The following CD226 variants were observed in gnomAD, a reference collection of about 807,000 sequenced individuals.
The protein encoded by CD226 is CD226 molecule.
A neutral mutation model predicts 34.9 loss-of-function variants in CD226; 24 were observed. That is an observed-to-expected ratio of 0.69 (90% CI 0.50 to 0.97). CD226 has a LOEUF of 0.97. Ranked by LOEUF, CD226 falls within the 50% of genes least tolerant of loss-of-function variation. The pLI is 0.00. For missense variants in CD226, 397 were observed against 412.7 expected (o/e 0.96, Z 0.33); for synonymous variants, 148 against 147.4 (o/e 1.00, Z -0.03).
chr18:69,947,057 T>G lies in CD226; in HGVS notation c.59A>C (p.Glu20Ala). 1.2e-6 allele frequency: 2 copies of G among 1,613,220 alleles called. No individual in the cohort carries two copies. The highest frequency in any genetic ancestry group is 2.2e-5 in the South Asian group (2 of 91,042). ...GGGAACTGATGTATGCCAAAGCACC[T>G]CTTCACATAGAGCTGAAATATACAA... ...LLHVYRALCE[E>A]VLWHTSVPFA... The change falls in exon 2 of 6, where the codon GAG (glutamate) becomes GCG (alanine). Residue 20 changes from glutamate (E) to alanine (A), a missense_variant. Coordinates refer to ENST00000582621, the MANE Select transcript of CD226 (RefSeq NM_001303618.2).
chr18:69,887,914 TATAA>T (rs1390612278), intron 3 of CD226, among the ~76,000 whole-genome samples: 2 of 152,264 alleles, frequency 1.3e-5, no homozygotes, highest in African/African-American at 4.8e-5. Flanking sequence ...ATCATTTTAG[TATAA>T]ATAATAGCTT....
At chr18:69,904,167 G>A (rs551585049) in intron 2 of CD226, among the ~76,000 whole-genome samples, 11 of 152,082 alleles carry the variant, frequency 7.2e-5, no homozygotes, top group African/African-American at 1.4e-4. Context: ...AACACAACCC[G>A]ACAAAGCCAT....
chr18:69,945,548 G>A (rs1568207592), intron 2 of CD226, among the ~76,000 whole-genome samples: 1 of 152,162 alleles, frequency 6.6e-6, no homozygotes, highest in Non-Finnish European at 1.5e-5. Context: ...AGCTAAACCT[G>A]GATGAGGTGA....
intron 3 of CD226, among the ~76,000 whole-genome samples, chr18:69,883,789 G>C (rs1423192988): frequency 6.6e-6 from 1 of 152,180 alleles, no homozygotes; most frequent in Non-Finnish European, 1.5e-5. Flanking sequence ...ATCTTAAAAT[G>C]AGCCATCAGT....
At chr18:69,911,490 T>C (rs536989016) in intron 2 of CD226, among the ~76,000 whole-genome samples, 7 of 152,184 alleles carry the variant, frequency 4.6e-5, no homozygotes, top group Non-Finnish European at 8.8e-5. Flanking sequence ...AAACCACATA[T>C]GAAGAGCGAC....
At chr18:69,881,886 T>TG (rs1984286614) in intron 3 of CD226, among the ~76,000 whole-genome samples, 2 of 152,236 alleles carry the variant, frequency 1.3e-5, no homozygotes, top group South Asian at 2.1e-4. Flanking sequence ...GATATTGGTA[T>TG]GGTAATATTA....
At chr18:69,902,889 C>A (rs747461809) in intron 2 of CD226, among the ~76,000 whole-genome samples, 1 of 152,026 alleles carries the variant, frequency 6.6e-6, no homozygotes, top group Non-Finnish European at 1.5e-5. Flanking sequence ...CCCAACTGTG[C>A]CTAGACTATG....
At position 69,866,721 on chromosome 18, in the gene CD226, C is replaced by T. The variant is rs149806902; in HGVS notation, c.885+636G>A. On this transcript the variant is annotated intron_variant, in intron 5 of 5. Transcript: ENST00000582621. ...TCCTCAGAACCTCATAATGTGACCT[C>T]ATTTGAAAATAGGATCCTTGTAATT... 5.0e-4 allele frequency among the ~76,000 whole-genome samples: 76 copies of T among 152,248 alleles called. 1 individual carries two copies. Among genetic ancestry groups the T allele is most frequent in the African/African-American group, 1.5e-3 (64 of 41,556 alleles).
At chr18:69,867,530 A>T in intron 4 of CD226, 119 bp from the exon 5 acceptor site, 1 of 632,846 alleles carries the variant, frequency 1.6e-6, no homozygotes, top group Non-Finnish European at 2.8e-6. Context: ...ATGTTGAAGT[A>T]GCTTTATGCA....
intron 2 of CD226, among the ~76,000 whole-genome samples, chr18:69,931,395 TA>T (rs576916736): frequency 6.7e-6 from 1 of 148,660 alleles, no homozygotes; most frequent in Non-Finnish European, 1.5e-5. Flanking sequence ...TAATAAAATT[TA>T]AAAAAAAGAA....
intron 5 of CD226, among the ~76,000 whole-genome samples, chr18:69,866,798 G>A (rs1322998596): frequency 1.3e-5 from 2 of 152,096 alleles, no homozygotes; most frequent in Non-Finnish European, 2.9e-5. Context: ...TTAAGTCCAA[G>A]ATAACTGGGG....
intron 2 of CD226, among the ~76,000 whole-genome samples, chr18:69,916,504 C>T (rs371499353): frequency 5.9e-5 from 9 of 152,158 alleles, no homozygotes; most frequent in African/African-American, 1.9e-4. Flanking sequence ...AGCCATGACT[C>T]AAAACATTTA....
intron 2 of CD226, among the ~76,000 whole-genome samples, chr18:69,920,131 T>C (rs1325260125): frequency 1.3e-4 from 20 of 152,196 alleles, no homozygotes; most frequent in Admixed American, 1.2e-3. Flanking sequence ...CCCAAAGTGC[T>C]GGGATTACAG....
chr18:69,886,485 C>A (rs1984564690), intron 3 of CD226, among the ~76,000 whole-genome samples: 2 of 152,176 alleles, frequency 1.3e-5, no homozygotes, highest in South Asian at 2.1e-4. Flanking sequence ...GTGGGTGGAT[C>A]ACCTGAGGTC....
chr18:69,897,092 C>T (rs953073150), intron 2 of CD226, among the ~76,000 whole-genome samples: 13 of 152,128 alleles, frequency 8.5e-5, no homozygotes, highest in African/African-American at 2.7e-4. Context: ...AGAGGAAATT[C>T]CCCCTCTTCA....
upstream of CD226, among the ~76,000 whole-genome samples, chr18:69,951,907 G>A (rs1236245422): frequency 2.0e-5 from 3 of 152,098 alleles, no homozygotes; most frequent in South Asian, 2.1e-4. Context: ...CATTAGATCC[G>A]GCAGTCTCAC....
intron 4 of CD226, among the ~76,000 whole-genome samples, chr18:69,870,273 T>C (rs78561522): frequency 0.1 from 6,811 of 65,558 alleles, 126 homozygotes; most frequent in African/African-American, 0.12. Flanking sequence ...TGGCTCCCCC[T>C]TTTTTTTTTT....
Position 69,947,488 on chromosome 18 carries a change from T to C in CD226, c.-82A>G, listed in dbSNP as rs745387339. On this transcript the variant is annotated 5_prime_UTR_variant, in exon 1 of 6. Transcript: ENST00000582621. ...TGTGACATGCAGATCCCCAGCACAATGCAGTTTCCTTCCTCTCAGATGTTA... is the reference window on the plus strand; with the variant it reads ...TGTGACATGCAGATCCCCAGCACAACGCAGTTTCCTTCCTCTCAGATGTTA... The C allele has an allele frequency of 9.3e-5, 76 of 813,518 alleles. No homozygotes were observed. Among genetic ancestry groups the C allele is most frequent in the Non-Finnish European group, 1.3e-4 (67 of 501,780 alleles). 50.4% of individuals were successfully genotyped at this position (813,518 alleles called of 1,614,324 possible).
At position 69,856,147 on chromosome 18, in the gene CD226, G is replaced by T. The variant is rs1982603853; in HGVS notation, c.*8167C>A. ...GCTAATGTTAATTTTTTAAAAAACTGAAAGTTATGTTAATATCAGAAAAAG... is the reference window on the plus strand; with the variant it reads ...GCTAATGTTAATTTTTTAAAAAACTTAAAGTTATGTTAATATCAGAAAAAG... On this transcript the variant is annotated 3_prime_UTR_variant, in exon 6 of 6. Transcript: ENST00000582621. The T allele has an allele frequency of 6.6e-6, 1 of 152,046 alleles. No individual in the cohort carries two copies. Among genetic ancestry groups the T allele is most frequent in the South Asian group, 2.1e-4 (1 of 4,820 alleles). 9.4% of individuals were successfully genotyped at this position (152,046 alleles called of 1,614,324 possible).
Sources: allele counts gnomAD v4.1 joint callset (sites outside exome capture counted in the v4.1 genomes callset), GRCh38; gene constraint gnomAD v4.1.1; transcripts MANE v1.5; gene names NCBI Gene and HGNC (gene_info 2026-07-23, HGNC 2026-07-21).